The following SLC16A7 variants were observed in gnomAD, a reference collection of about 807,000 sequenced individuals.
The protein encoded by SLC16A7 is solute carrier family 16 member 7, also known as monocarboxylate transporter 2.
SLC16A7 carries 33 observed loss-of-function variants against 34.9 expected under a neutral mutation model. The observed-to-expected ratio is 0.94, with a 90% CI of 0.72 to 1.26. SLC16A7 has a LOEUF of 1.26. SLC16A7 is among the 50% of genes most tolerant of loss of function. The pLI is 0.00. For synonymous variants in SLC16A7, 201 were observed against 206.6 expected (o/e 0.97, Z 0.23); for missense variants, 573 against 578.1 (o/e 0.99, Z 0.09).
chr12:59,618,866 C>A (rs1460226074), intron 1 of SLC16A7, among the ~76,000 whole-genome samples: 1 of 151,890 alleles, frequency 6.6e-6, no homozygotes, highest in Non-Finnish European at 1.5e-5. Context: ...TAAATGATAT[C>A]TTTGATAATA....
chr12:59,625,156 G>T (rs527891350), intron 1 of SLC16A7, among the ~76,000 whole-genome samples: 26 of 151,834 alleles, frequency 1.7e-4, no homozygotes, highest in African/African-American at 6.3e-4. Flanking sequence ...CTCCAATAAT[G>T]AACTCAGAAA....
At chr12:59,649,265 G>A (rs1020529115) in intron 1 of SLC16A7, among the ~76,000 whole-genome samples, 28 of 152,120 alleles carry the variant, frequency 1.8e-4, no homozygotes, top group African/African-American at 6.5e-4. Context: ...GACATCAAAA[G>A]GAGTGTGGTA....
intron 3 of SLC16A7, among the ~76,000 whole-genome samples, chr12:59,724,508 A>G (rs1019446712): frequency 6.6e-6 from 1 of 152,068 alleles, no homozygotes; most frequent in Non-Finnish European, 1.5e-5. Context: ...AAGTAAATAC[A>G]TGTTGCAAAG....
intron 1 of SLC16A7, among the ~76,000 whole-genome samples, chr12:59,622,347 A>G (rs1879731766): frequency 6.6e-6 from 1 of 151,886 alleles, no homozygotes; most frequent in Non-Finnish European, 1.5e-5. Context: ...TCAGTCCTAC[A>G]TATATTGATA....
intron 3 of SLC16A7, among the ~76,000 whole-genome samples, chr12:59,734,672 C>G (rs7133415): frequency 0.27 from 40,424 of 152,236 alleles, 5,449 homozygotes; most frequent in East Asian, 0.31. Context: ...GAGGCCACTT[C>G]AGGCAGCCTC....
In SLC16A7 at chr12:59,768,687, CTTGT is replaced by C. The variant is rs936835180; in HGVS notation, c.218-2527_218-2524del. 4.6e-5 allele frequency among the ~76,000 whole-genome samples: 7 copies of C among 152,218 alleles called. No individual in the cohort carries two copies. In the East Asian group the frequency reaches 9.7e-4, roughly 21 times the overall value. The stretch of plus-strand genomic sequence containing the variant: ...AGGAAGAATCAACTGATGCAACAAA[CTTGT>C]TTGTCTTATTTTAAGCAATTGCCAG... On this transcript the variant is annotated intron_variant, in intron 3 of 5. Coordinates refer to ENST00000547379, the MANE Select transcript of SLC16A7 (RefSeq NM_001270623.2).
intron 3 of SLC16A7, among the ~76,000 whole-genome samples, chr12:59,724,908 A>C (rs1876052651): frequency 1.3e-5 from 2 of 151,984 alleles, no homozygotes; most frequent in South Asian, 4.1e-4. Context: ...AATAATAGAA[A>C]ATTTTTGGTT....
In SLC16A7 at chr12:59,627,876, A is replaced by G. The variant is rs1456810771; in HGVS notation, c.-129-27276A>G. Among the ~76,000 whole-genome samples, 25 of 150,358 alleles carry G rather than the reference A, an allele frequency of 1.7e-4. No homozygotes were observed. In the Admixed American group the frequency reaches 1.7e-3, roughly 10 times the overall value. ...CCTGTGTGACCATTGTCTATACTAT[A>G]CTATATATAGACTATATAAATATAT... On this transcript the variant is annotated intron_variant, in intron 1 of 5. Transcript: ENST00000547379.
rs1211020686 is a variant in SLC16A7 at position 59,784,493 on chromosome 12, G to T, written c.*4814G>T. 7.9e-5 allele frequency: 12 copies of T among 151,872 alleles called. No homozygotes were observed. Among genetic ancestry groups the T allele is most frequent in the Non-Finnish European group, 1.8e-4 (12 of 67,976 alleles). 9.4% of individuals were successfully genotyped at this position (151,872 alleles called of 1,614,324 possible). A position where few individuals can be genotyped will look rare whatever the true frequency, so the allele number is the denominator to read the frequency against. On this transcript the variant is annotated 3_prime_UTR_variant, in exon 6 of 6. Coordinates refer to ENST00000547379, the MANE Select transcript of SLC16A7 (RefSeq NM_001270623.2). ...AAGATTATAAGATACAAATGATTTG[G>T]TTTACCCATACAGTTACATATTAAT...
intron 2 of SLC16A7, among the ~76,000 whole-genome samples, chr12:59,679,289 G>A (rs905700830): frequency 4.6e-5 from 7 of 152,140 alleles, no homozygotes; most frequent in African/African-American, 1.7e-4. Context: ...AGTCAGAAGG[G>A]AGTGGGACTT....
intron 3 of SLC16A7, among the ~76,000 whole-genome samples, chr12:59,762,979 T>G (rs1271013873): frequency 2.6e-5 from 4 of 152,170 alleles, no homozygotes; most frequent in African/African-American, 9.6e-5. Flanking sequence ...TAAGTATTTT[T>G]AATTCATTTT....
chr12:59,615,215 A>G (rs1879393519), intron 1 of SLC16A7, among the ~76,000 whole-genome samples: 1 of 152,044 alleles, frequency 6.6e-6, no homozygotes, highest in South Asian at 2.1e-4. Flanking sequence ...CCCAGCCTCT[A>G]TAAATATAAG....
At chr12:59,612,588 G>C (rs544663351) in intron 1 of SLC16A7, among the ~76,000 whole-genome samples, 2 of 152,148 alleles carry the variant, frequency 1.3e-5, no homozygotes, top group Non-Finnish European at 2.9e-5. Context: ...TTTCTCCCCA[G>C]AAAATGGAGT....
chr12:59,679,106 A>G (rs982464102), intron 2 of SLC16A7, among the ~76,000 whole-genome samples: 3 of 152,140 alleles, frequency 2.0e-5, no homozygotes, highest in Non-Finnish European at 4.4e-5. Context: ...CTAGGCCCCC[A>G]AGAGTGCAGA....
At chr12:59,761,431 A>G (rs565212137) in intron 3 of SLC16A7, among the ~76,000 whole-genome samples, 1 of 152,248 alleles carries the variant, frequency 6.6e-6, no homozygotes, top group South Asian at 2.1e-4. Flanking sequence ...AATTTGTTAT[A>G]CAAAGAGTAC....
intron 3 of SLC16A7, among the ~76,000 whole-genome samples, chr12:59,732,692 G>A (rs996601552): frequency 3.9e-5 from 6 of 152,230 alleles, no homozygotes; most frequent in African/African-American, 1.4e-4. Flanking sequence ...CATTCTGAGG[G>A]ACTTCATAAG....
chr12:59,635,605 G>GT (rs1434644324), intron 1 of SLC16A7, among the ~76,000 whole-genome samples: 4 of 151,928 alleles, frequency 2.6e-5, no homozygotes, highest in Non-Finnish European at 5.9e-5. Context: ...GAAAATCCAT[G>GT]TATCAGTTAT....
chr12:59,759,919 T>A (rs1880825355), intron 3 of SLC16A7, among the ~76,000 whole-genome samples: 1 of 152,052 alleles, frequency 6.6e-6, no homozygotes, highest in African/African-American at 2.4e-5. Flanking sequence ...GTTTTTCTAA[T>A]GAGATTTATG....
intron 1 of SLC16A7, among the ~76,000 whole-genome samples, chr12:59,637,732 T>G (rs1182052852): frequency 6.6e-6 from 1 of 152,184 alleles, no homozygotes; most frequent in Non-Finnish European, 1.5e-5. Flanking sequence ...GTTCATGTGT[T>G]GGAAAGTTAG....
Sources: allele counts gnomAD v4.1 joint callset (sites outside exome capture counted in the v4.1 genomes callset), GRCh38; gene constraint gnomAD v4.1.1; transcripts MANE v1.5; gene names NCBI Gene and HGNC (gene_info 2026-07-23, HGNC 2026-07-21).